The following FAM120C variants were observed in gnomAD, a reference collection of about 807,000 sequenced individuals.
The protein encoded by FAM120C is family with sequence similarity 120 member C.
FAM120C carries 14 observed loss-of-function variants against 71.2 expected under a neutral mutation model. The observed-to-expected ratio is 0.20, with a 90% CI of 0.13 to 0.31. The LOEUF is 0.31. Among genes scored for constraint, FAM120C ranks in the 10% least tolerant of loss-of-function variants. The probability of loss-of-function intolerance (pLI) is 1.00; values close to 1 mark genes in which losing one functional copy is unlikely to be tolerated. For synonymous variants in FAM120C, 354 were observed against 353.2 expected (o/e 1.00, Z -0.03); for missense variants, 500 against 879.0 (o/e 0.57, Z 5.45).
intron 1 of FAM120C, among the ~76,000 whole-genome samples, chrX:54,181,557 G>A (rs1205538371): frequency 9.0e-6 from 1 of 111,375 alleles, no homozygotes; most frequent in Admixed American, 9.5e-5. Context: ...AACTGCCTAT[G>A]GGGCCTTGCA....
intron 1 of FAM120C, among the ~76,000 whole-genome samples, chrX:54,176,983 A>G (rs2067322005): frequency 8.9e-6 from 1 of 111,961 alleles, no homozygotes; most frequent in East Asian, 2.8e-4. Context: ...GAAAGATTCT[A>G]TAGGATAACT....
rs924993107 is a variant in FAM120C, at chrX:54,139,764, T to G, written c.1159-3174A>C. Among the ~76,000 whole-genome samples the G allele has an allele frequency of 3.6e-5, 4 of 110,799 alleles. No individual in the cohort carries two copies. In the Admixed American group the frequency reaches 3.9e-4, roughly 11 times the overall value. On this transcript the variant is annotated intron_variant, in intron 4 of 15. Coordinates refer to ENST00000375180, the MANE Select transcript of FAM120C (RefSeq NM_017848.6). ...TCACTGCAGCCTTGAACTCCTGGGCTCAAGTGATCTTCTCACCTCAGCCTC... is the reference window on the plus strand; with the variant it reads ...TCACTGCAGCCTTGAACTCCTGGGCGCAAGTGATCTTCTCACCTCAGCCTC...
intron 4 of FAM120C, among the ~76,000 whole-genome samples, chrX:54,143,166 T>G (rs1439151077): frequency 8.9e-6 from 1 of 112,053 alleles, no homozygotes; most frequent in Non-Finnish European, 1.9e-5. Context: ...ATGAAAATTC[T>G]GTGTAGAGGG....
chrX:54,085,977 G>A (rs2066792632), intron 12 of FAM120C, 61 bp from the exon 13 acceptor site: 16 of 1,005,758 alleles, frequency 1.6e-5, no homozygotes, highest in Non-Finnish European at 2.1e-5. Flanking sequence ...CCATGTTTTA[G>A]GCCCAGGATG....
At chrX:54,174,116 T>C (rs1480134122) in intron 1 of FAM120C, 16 of 510,725 alleles carry the variant, frequency 3.1e-5, no homozygotes, top group Non-Finnish European at 5.6e-5. Flanking sequence ...TGTGGGCCTC[T>C]CCATAGGGCA....
At chrX:54,075,084 G>C (rs1175460250) in intron 15 of FAM120C, among the ~76,000 whole-genome samples, 3 of 111,497 alleles carry the variant, frequency 2.7e-5, no homozygotes, top group Non-Finnish European at 3.8e-5. Flanking sequence ...CTAAAGCTTG[G>C]GAGGTCCAGG....
intron 10 of FAM120C, among the ~76,000 whole-genome samples, chrX:54,093,680 G>A (rs1223753836): frequency 9.0e-6 from 1 of 111,528 alleles, no homozygotes; most frequent in Non-Finnish European, 1.9e-5. Flanking sequence ...AGAATGTAGG[G>A]TCTAATGAGT....
rs782680576 is a variant in FAM120C, at chrX:54,098,550, T to C, written c.2313-7124A>G. Among the ~76,000 whole-genome samples, 5 of 112,116 alleles carry C rather than the reference T, an allele frequency of 4.5e-5. No homozygotes were observed. The East Asian group carries it at 1.4e-3, about 31-fold the overall frequency. On this transcript the variant is annotated intron_variant, in intron 10 of 15. Coordinates refer to ENST00000375180, the MANE Select transcript of FAM120C (RefSeq NM_017848.6). ...ATGGGTGTTAACTGGTTTCTCATTG[T>C]TGTTATGATTTGCATTTCCCTGATG... is the stretch of plus-strand genomic sequence containing the variant.
At position 54,146,050 on chromosome X, in the gene FAM120C, C is replaced by T. The variant is rs186929845; in HGVS notation, c.1158+5195G>A. 1.5e-3 allele frequency among the ~76,000 whole-genome samples: 167 copies of T among 110,829 alleles called. 1 individual carries two copies. Among genetic ancestry groups the T allele is most frequent in the African/African-American group, 4.7e-3 (142 of 30,527 alleles). On this transcript the variant is annotated intron_variant, in intron 4 of 15. Coordinates refer to ENST00000375180, the MANE Select transcript of FAM120C (RefSeq NM_017848.6). The stretch of plus-strand genomic sequence containing the variant: ...GAAACCATCATTCTCAGCAAACTAT[C>T]GCAAGGACAGAAAACCATACACCAC...
intron 13 of FAM120C, among the ~76,000 whole-genome samples, chrX:54,083,709 G>C (rs782020706): frequency 6.3e-5 from 7 of 110,811 alleles, no homozygotes; most frequent in Admixed American, 9.7e-5. Flanking sequence ...GAACTAGAGT[G>C]CTAGTTACCT....
intron 3 of FAM120C, among the ~76,000 whole-genome samples, chrX:54,154,079 A>G (rs2067197631): frequency 9.3e-6 from 1 of 107,817 alleles, no homozygotes; most frequent in African/African-American, 3.4e-5. Context: ...TGTTATATTG[A>G]GAATAAAATG....
chrX:54,073,893 C>G (rs1210888991), intron 15 of FAM120C, among the ~76,000 whole-genome samples: 1 of 110,919 alleles, frequency 9.0e-6, no homozygotes, highest in Admixed American at 9.7e-5. Context: ...TGCTGCGATC[C>G]TGGCTCACTG....
chrX:54,158,856 T>C (rs1432928907), intron 2 of FAM120C, among the ~76,000 whole-genome samples: 1 of 112,272 alleles, frequency 8.9e-6, no homozygotes, highest in Admixed American at 9.5e-5. Context: ...AAAATGTTAA[T>C]GGCAGAATAC....
chrX:54,148,519 C>T (rs782362072), intron 4 of FAM120C, among the ~76,000 whole-genome samples: 117 of 111,302 alleles, frequency 1.1e-3, no homozygotes, highest in Non-Finnish European at 1.2e-3. Flanking sequence ...TGATGGTGTG[C>T]GCCTGTAGTC....
At chrX:54,128,710 A>G (rs1274916107) in intron 9 of FAM120C, among the ~76,000 whole-genome samples, 5 of 111,928 alleles carry the variant, frequency 4.5e-5, no homozygotes, top group Admixed American at 3.8e-4. Flanking sequence ...TCTGTTTAAC[A>G]AAAACATCTT....
intron 6 of FAM120C, 148 bp downstream of exon 6, chrX:54,135,380 T>C (rs1427284648): frequency 3.6e-6 from 2 of 561,833 alleles, no homozygotes; most frequent in East Asian, 7.2e-5. Context: ...TTTTTTTGCA[T>C]AGTCTTCCAG....
rs782621313 is a variant in FAM120C, at chrX:54,151,541, TTGGAAAAGA to T, written c.1030-177_1030-169del. ...CCCCTTCATTCTCAGTACAGAACAC[TTGGAAAAGA>T]TGGAAAAGTATAAAGCAATAAAAAC... On this transcript the variant is annotated intron_variant, in intron 3 of 15. Transcript: ENST00000375180. Among the ~76,000 whole-genome samples the T allele has an allele frequency of 3.0e-3, 333 of 111,977 alleles. 2 individuals carry two copies. Among genetic ancestry groups the T allele is most frequent in the African/African-American group, 0.01 (313 of 30,858 alleles).
At chrX:54,156,567 T>G (rs903277324) in intron 3 of FAM120C, among the ~76,000 whole-genome samples, 6 of 108,790 alleles carry the variant, frequency 5.5e-5, no homozygotes, top group Non-Finnish European at 7.6e-5. Flanking sequence ...TTTTTCAATA[T>G]TTGTTCAACT....
intron 9 of FAM120C, among the ~76,000 whole-genome samples, chrX:54,126,263 C>T (rs1246290193): frequency 8.0e-5 from 9 of 112,260 alleles, no homozygotes; most frequent in Admixed American, 7.6e-4. Context: ...GTAGAAAGAG[C>T]AGACATTCTA....
Sources: allele counts gnomAD v4.1 joint callset (sites outside exome capture counted in the v4.1 genomes callset), GRCh38; gene constraint gnomAD v4.1.1; transcripts MANE v1.5; gene names NCBI Gene and HGNC (gene_info 2026-07-23, HGNC 2026-07-21).